The following GPR17 variants were observed in gnomAD, a reference collection of about 807,000 sequenced individuals.
GPR17 encodes the protein G protein-coupled receptor 17, also known as uracil nucleotide/cysteinyl leukotriene receptor.
A neutral mutation model predicts 1.5 loss-of-function variants in GPR17; 4 were observed. The ratio of observed to expected loss-of-function variants is 2.73; its 90% confidence interval spans 1.35 to 6.25. GPR17 has a LOEUF of 6.25. Among genes scored for constraint, GPR17 ranks in the 30% most tolerant of loss-of-function variants. The pLI is 0.00. For missense variants in GPR17, 463 were observed against 462.1 expected, an observed-to-expected ratio of 1.00 and a Z score of -0.02; for synonymous variants, 209 against 207.6, an observed-to-expected ratio of 1.01 and a Z score of -0.06.
intron 1 of GPR17, among the ~76,000 whole-genome samples, chr2:127,649,291 G>A (rs1262849487): frequency 6.6e-6 from 1 of 152,170 alleles, no homozygotes; most frequent in Non-Finnish European, 1.5e-5. Flanking sequence ...CGCCCAGGAT[G>A]AGGACCCTGC....
chr2:127,648,195 A>G (rs982326110), intron 1 of GPR17: 1 of 985,342 alleles, frequency 1.0e-6, no homozygotes, highest in African/African-American at 1.7e-5. Context: ...GACTAAGAAC[A>G]GACCCTGTTC....
At position 127,651,676 on chromosome 2, in the gene GPR17, G is replaced by C. The variant is rs1438584776; in HGVS notation, c.941G>C (p.Gly314Ala). The C allele has an allele frequency of 6.2e-7, 1 of 1,613,356 alleles. No homozygotes were observed. The highest frequency in any genetic ancestry group is 1.3e-5 in the African/African-American group (1 of 75,074). ...CACGCCCTGTGCAACTTGCTCTGTG[G>C]CAAAAGGCTCAAGGGCCCGCCCCCC... is the stretch of plus-strand genomic sequence containing the variant. ...FRHALCNLLC[G>A]KRLKGPPPSF... The change falls in exon 2 of 2, where the codon GGC becomes GCC. Residue 314 changes from glycine to alanine, a missense_variant. Transcript: ENST00000486700.
intron 1 of GPR17, among the ~76,000 whole-genome samples, chr2:127,648,471 G>A (rs1683238498): frequency 6.6e-6 from 1 of 152,130 alleles, no homozygotes. Context: ...TAGGGCTAGG[G>A]CCACCACCAT....
intron 1 of GPR17, among the ~76,000 whole-genome samples, chr2:127,646,850 G>C (rs1683043808): frequency 6.6e-6 from 1 of 152,272 alleles, no homozygotes; most frequent in Non-Finnish European, 1.5e-5. Flanking sequence ...AAGGGCAACA[G>C]AGAGTGAAGC....
Position 127,647,383 on chromosome 2 carries a change from T to C in GPR17, c.-21+1139T>C, listed in dbSNP as rs569305326. Among the ~76,000 whole-genome samples, 270 of 152,098 alleles carry C rather than the reference T, an allele frequency of 1.8e-3. 1 individual carries two copies. The highest frequency in any genetic ancestry group is 6.2e-3 in the African/African-American group (258 of 41,500). ...CAGCTCCAGGGCCAATGTCCCCTGG[T>C]CAAGTGACCTAAGACAAGTTAGCAG... On this transcript the variant is annotated intron_variant, in intron 1 of 1. Transcript: ENST00000486700. The surrounding 1 kb of genome is among the most constrained non-coding windows in gnomAD (Gnocchi z 4.3).
intron 1 of GPR17, 28 bp from the exon 2 acceptor site, chr2:127,650,688 T>C (rs777946109): frequency 3.9e-6 from 6 of 1,525,512 alleles, no homozygotes; most frequent in Non-Finnish European, 5.4e-6. Context: ...CGCAAGCTCA[T>C]TGTGAACTGT....
At position 127,650,835 on chromosome 2, in the gene GPR17, T is replaced by C. The variant is rs1683682204; in HGVS notation, c.100T>C (p.Phe34Leu). 8 of 1,614,120 alleles carry C rather than the reference T, an allele frequency of 5.0e-6. No individual in the cohort carries two copies. Among genetic ancestry groups the C allele is most frequent in the Non-Finnish European group, 6.8e-6 (8 of 1,179,992 alleles). ...GGAGACGCCACTGGAGAACATGCTGTTCGCCTCCTTCTACCTTCTGGATTT... is the reference window on the plus strand; with the variant it reads ...GGAGACGCCACTGGAGAACATGCTGCTCGCCTCCTTCTACCTTCTGGATTT... ...GQETPLENML[F>L]ASFYLLDFIL... Residue 34 changes from phenylalanine (F) to leucine (L), a missense_variant, in exon 2 of 2, where the codon TTC (phenylalanine) becomes CTC (leucine). Transcript: ENST00000486700.
rs1683177481 is a variant in GPR17, at chr2:127,647,906, CT to C, written c.-21+1663del. ...ACCGGTACCTGCTCCCTGTTCTCCC[CT>C]GCCTCACAGGCCCTGTCAAGGGCTG... On this transcript the variant is annotated intron_variant, in intron 1 of 1. Transcript: ENST00000486700. This position sits in a 1 kb window ranked among gnomAD's most constrained non-coding sequence, Gnocchi z 4.3. 1.7e-6 allele frequency: 1 copy of C among 578,944 alleles called. No individual in the cohort carries two copies. The highest frequency in any genetic ancestry group is 2.2e-6 in the Non-Finnish European group (1 of 458,078). 35.9% of individuals were successfully genotyped at this position (578,944 alleles called of 1,614,324 possible). A position where few individuals can be genotyped will look rare whatever the true frequency, so the allele number is the denominator to read the frequency against.
chr2:127,648,893 T>C (rs1357478571), intron 1 of GPR17, among the ~76,000 whole-genome samples: 1 of 143,578 alleles, frequency 7.0e-6, no homozygotes, highest in Non-Finnish European at 1.5e-5. Flanking sequence ...CACTCCAGCC[T>C]GGGTGACAGA....
intron 1 of GPR17, among the ~76,000 whole-genome samples, chr2:127,648,651 C>G (rs1411630251): frequency 3.3e-5 from 5 of 152,062 alleles, no homozygotes; most frequent in Non-Finnish European, 5.9e-5. Context: ...CCTGTAATCC[C>G]AGCACTTTGG....
chr2:127,652,006 G>C lies in GPR17; in HGVS notation c.*251G>C. The C allele has an allele frequency of 1.8e-6, 1 of 548,650 alleles. No homozygotes were observed. Among genetic ancestry groups the C allele is most frequent in the African/African-American group, 1.9e-5 (1 of 53,152 alleles). The allele number at this position is 548,650 out of a possible 1,614,324, so 34.0% of individuals were successfully genotyped here. On this transcript the variant is annotated 3_prime_UTR_variant, in exon 2 of 2. Transcript: ENST00000486700. ...CTAGACACTCAACGACTTCATCTGT[G>C]GCAGGGAGAGAGGAGGCCGGAAGAA...
Position 127,651,210 on chromosome 2 carries a change from G to A in GPR17, c.475G>A (p.Val159Met). The change falls in exon 2 of 2, where the codon GTG becomes ATG. Residue 159 changes from valine (V) to methionine (M), a missense_variant. Physicochemically the swap from Val to Met is conservative, Grantham distance 21. Transcript: ENST00000486700. ...HLACAFLWVV[V>M]AVAMAPLLVS... ...GGCCTGTGCCTTCCTGTGGGTGGTG[G>A]TGGCTGTGGCCATGGCCCCGCTGCT... The A allele has an allele frequency of 6.2e-7, 1 of 1,609,860 alleles. No individual in the cohort carries two copies. The highest frequency in any genetic ancestry group is 1.1e-5 in the South Asian group (1 of 90,944).
intron 1 of GPR17, among the ~76,000 whole-genome samples, chr2:127,649,165 T>TAGGAAGGAAGGAAGGAAGGAAGGAAAGA (rs1683405850): frequency 2.3e-4 from 31 of 134,340 alleles, no homozygotes; most frequent in Non-Finnish European, 3.6e-4. Flanking sequence ...GAGAGGAAGG[T>TAGGAAGGAAGGAAGGAAGGAAGGAAAGA]AGGAAGGAAG....
chr2:127,647,346 C>T lies in GPR17; in HGVS notation c.-21+1102C>T, dbSNP rs895313055. ...CTTCCAGGGAGTGAGACCGTTTCCC[C>T]GGTCTCACTTCCAGCTCCAGGGCCA... On this transcript the variant is annotated intron_variant, in intron 1 of 1. Coordinates refer to ENST00000486700, the MANE Select transcript of GPR17 (RefSeq NM_001161417.2). The surrounding 1 kb of genome is among the most constrained non-coding windows in gnomAD (Gnocchi z 4.3). Among the ~76,000 whole-genome samples, 6 of 152,150 alleles carry T rather than the reference C, an allele frequency of 3.9e-5. No homozygotes were observed. The highest frequency in any genetic ancestry group is 5.9e-5 in the Non-Finnish European group (4 of 68,002).
Position 127,651,619 on chromosome 2 carries a change from T to C in GPR17, c.884T>C (p.Ile295Thr), listed in dbSNP as rs752560356. 4 of 1,613,548 alleles carry C rather than the reference T, an allele frequency of 2.5e-6. No individual in the cohort carries two copies. Among genetic ancestry groups the C allele is most frequent in the Non-Finnish European group, 2.5e-6 (3 of 1,180,020 alleles). ...AGCCTCAACGGGGCACTCGACCCCA[T>C]CATGTATTTCTTCGTGGCTGAGAAG... ...LTSLNGALDP[I>T]MYFFVAEKFR... is the part of the protein sequence containing the mutation. Residue 295 changes from isoleucine to threonine, a missense_variant, in exon 2 of 2, where the codon ATC (isoleucine) becomes ACC (threonine). Ile to Thr is a moderately conservative substitution (Grantham distance 89, BLOSUM62 -1). Transcript: ENST00000486700.
At position 127,651,162 on chromosome 2, in the gene GPR17, C is replaced by G. The variant is rs192682507; in HGVS notation, c.427C>G (p.Arg143Gly). ...IVHPVKSLKL[R>G]RPLYAHLACA... ...GCACCCGGTCAAGTCCCTCAAGCTC[C>G]GCAGGCCCCTCTACGCACACCTGGC... Residue 143 changes from arginine (R) to glycine (G), a missense_variant, in exon 2 of 2, where the codon CGC (arginine) becomes GGC (glycine). Transcript: ENST00000486700. 6.2e-7 allele frequency: 1 copy of G among 1,612,884 alleles called. No homozygotes were observed. The highest frequency in any genetic ancestry group is 1.7e-5 in the Admixed American group (1 of 60,022).
chr2:127,651,371 C>T lies in GPR17; in HGVS notation c.636C>T (p.Tyr212=). 2 of 1,612,650 alleles carry T rather than the reference C, an allele frequency of 1.2e-6. No individual in the cohort carries two copies. Among genetic ancestry groups the T allele is most frequent in the Non-Finnish European group, 1.7e-6 (2 of 1,180,046 alleles). The part of the protein sequence containing the change: ...TFPFITTVTC[Y]LLIIRSLRQG... ...CGTTCATCACCACGGTCACCTGCTA[C>T]CTGCTGATCATCCGCAGCCTGCGGC... is the stretch of plus-strand genomic sequence containing the variant. Residue 212 remains tyrosine, a synonymous_variant, in exon 2 of 2, where the codon TAC becomes TAT. Coordinates refer to ENST00000486700, the MANE Select transcript of GPR17 (RefSeq NM_001161417.2).
At chr2:127,649,035 AAG>A (rs1415225453) in intron 1 of GPR17, among the ~76,000 whole-genome samples, 3 of 110,802 alleles carry the variant, frequency 2.7e-5, no homozygotes, top group Non-Finnish European at 6.2e-5. Context: ...AAGAAAGAAA[AAG>A]AAAGAAAGAG....
At position 127,651,195 on chromosome 2, in the gene GPR17, T is replaced by G. The variant is rs1475414058; in HGVS notation, c.460T>G (p.Phe154Val). The change falls in exon 2 of 2, where the codon TTC becomes GTC. Residue 154 changes from phenylalanine to valine, a missense_variant. Phe to Val is a conservative substitution (Grantham distance 50). Transcript: ENST00000486700. The stretch of plus-strand genomic sequence containing the variant: ...CCTCTACGCACACCTGGCCTGTGCC[T>G]TCCTGTGGGTGGTGGTGGCTGTGGC... ...RPLYAHLACA[F>V]LWVVVAVAMA... 1 of 1,611,170 alleles carries G rather than the reference T, an allele frequency of 6.2e-7. No individual in the cohort carries two copies. Among genetic ancestry groups the G allele is most frequent in the African/African-American group, 1.3e-5 (1 of 75,064 alleles).
Sources: gnomAD v4.1 joint callset for allele counts (sites outside exome capture counted in the v4.1 genomes callset) on GRCh38, gnomAD v4.1.1 for gene constraint, Gnocchi (gnomAD v3.1) non-coding constraint, MANE v1.5 for transcripts, NCBI Gene and HGNC (gene_info 2026-07-23, HGNC 2026-07-21) for gene names.